TEX11: variants seen among roughly 807,000 people sequenced by gnomAD.
The protein encoded by TEX11 is testis expressed 11.
In TEX11, 7 loss-of-function variants were observed where a neutral mutation model predicts 84.4. That is an observed-to-expected ratio of 0.08 (90% confidence interval 0.05 to 0.16). The LOEUF (loss-of-function observed/expected upper bound fraction) is 0.16. TEX11 is among the 10% of genes least tolerant of loss of function. TEX11 has a pLI of 1.00. For missense variants in TEX11, 551 were observed against 660.5 expected (o/e 0.83, Z 1.82); for synonymous variants, 264 against 222.8 (o/e 1.18, Z -1.64).
chrX:70,630,236 C>T (rs1323605073), intron 17 of TEX11, among the ~76,000 whole-genome samples: 2 of 106,462 alleles, frequency 1.9e-5, no homozygotes, highest in Admixed American at 1.0e-4. Context: ...GGCGTTAACC[C>T]GGGAGGCGGA....
At chrX:70,597,405 C>A (rs766252448) in intron 24 of TEX11, among the ~76,000 whole-genome samples, 1 of 111,706 alleles carries the variant, frequency 9.0e-6, no homozygotes, top group South Asian at 3.7e-4. Context: ...ATTATCAAGG[C>A]AATGTGGTAT....
intron 25 of TEX11, among the ~76,000 whole-genome samples, chrX:70,560,082 A>C (rs2088344061): frequency 9.0e-6 from 1 of 110,662 alleles, no homozygotes. Flanking sequence ...TTGATGAGTA[A>C]TGATGCTGAG....
intron 9 of TEX11, among the ~76,000 whole-genome samples, chrX:70,789,764 A>G (rs2091106968): frequency 8.9e-6 from 1 of 112,100 alleles, no homozygotes; most frequent in Admixed American, 9.5e-5. Context: ...AAATTACTAT[A>G]TGATGCAGCT....
intron 7 of TEX11, among the ~76,000 whole-genome samples, chrX:70,851,662 A>AACACACAC (rs760585640): frequency 1.1e-4 from 4 of 37,893 alleles, no homozygotes; most frequent in African/African-American, 6.7e-4. Flanking sequence ...GAAAATTAAA[A>AACACACAC]ACATACACAC....
chrX:70,759,869 C>T (rs777411759), intron 9 of TEX11, among the ~76,000 whole-genome samples: 46 of 111,649 alleles, frequency 4.1e-4, no homozygotes, highest in African/African-American at 1.3e-3. Context: ...AAAACCCCAT[C>T]CTCTCAGCCC....
chrX:70,823,872 C>T (rs933416282), intron 8 of TEX11, among the ~76,000 whole-genome samples: 3 of 110,168 alleles, frequency 2.7e-5, no homozygotes, highest in Non-Finnish European at 5.7e-5. Context: ...ATTAGCCAGG[C>T]ATAGTGGTGC....
intron 1 of TEX11, among the ~76,000 whole-genome samples, chrX:70,908,201 C>T (rs1407429962): frequency 9.0e-6 from 1 of 111,718 alleles, no homozygotes; most frequent in Non-Finnish European, 1.9e-5. Context: ...CTGCCCCCAA[C>T]GGTCATGAAC....
intron 20 of TEX11, 28 bp downstream of exon 20, chrX:70,623,922 A>C (rs1490020346): frequency 8.7e-7 from 1 of 1,154,179 alleles, no homozygotes; most frequent in Non-Finnish European, 1.2e-6. Context: ...CTAATGGGGA[A>C]TACATCATTT....
At chrX:70,781,395 A>G (rs2091038138) in intron 9 of TEX11, among the ~76,000 whole-genome samples, 1 of 112,220 alleles carries the variant, frequency 8.9e-6, no homozygotes, top group South Asian at 3.7e-4. Context: ...TCTAAAAACC[A>G]GAGAGCCTCT....
At chrX:70,770,977 G>A (rs180805631) in intron 9 of TEX11, among the ~76,000 whole-genome samples, 41 of 111,752 alleles carry the variant, frequency 3.7e-4, no homozygotes, top group Non-Finnish European at 6.8e-4. Context: ...TTAGTATATA[G>A]ATAATTTTAA....
chrX:70,531,214 C>T (rs1489876353), intron 28 of TEX11, among the ~76,000 whole-genome samples: 1 of 111,221 alleles, frequency 9.0e-6, no homozygotes, highest in Non-Finnish European at 1.9e-5. Flanking sequence ...AGCACTGTGC[C>T]TGGCACATAA....
At chrX:70,706,478 G>A (rs2090377577) in intron 13 of TEX11, among the ~76,000 whole-genome samples, 1 of 110,734 alleles carries the variant, frequency 9.0e-6, no homozygotes, top group Non-Finnish European at 1.9e-5. Flanking sequence ...AGGTCCTAAG[G>A]ATAGTGTGCA....
chrX:70,600,433 C>G (rs976985000), intron 24 of TEX11, among the ~76,000 whole-genome samples: 2 of 110,805 alleles, frequency 1.8e-5, no homozygotes, highest in African/African-American at 6.6e-5. Context: ...CTTTAACTTC[C>G]CACCATCAAC....
the TEX11 span, among the ~76,000 whole-genome samples, chrX:70,522,732 A>G: frequency 9.3e-6 from 1 of 107,578 alleles, no homozygotes; most frequent in Non-Finnish European, 1.9e-5. Context: ...TAGTAGAGAC[A>G]GGGTTTCTCC....
At position 70,543,177 on chromosome X, in the gene TEX11, G is replaced by A. The variant is rs775477868; in HGVS notation, c.2520+8949C>T. Among the ~76,000 whole-genome samples the A allele has an allele frequency of 1.7e-4, 19 of 110,075 alleles. No individual in the cohort carries two copies. The East Asian group carries it at 3.4e-3, about 20-fold the overall frequency. ...AGCCTGGGCGACACAGCGAGACTCC[G>A]TCTCAAAAAAATAAATAAATAAAAA... On this transcript the variant is annotated intron_variant, in intron 28 of 29. Transcript: ENST00000374333.
intron 9 of TEX11, among the ~76,000 whole-genome samples, chrX:70,798,762 G>T (rs963950249): frequency 1.8e-5 from 2 of 111,539 alleles, no homozygotes; most frequent in Non-Finnish European, 3.8e-5. Flanking sequence ...TCCAATAAAT[G>T]GTGTTGGAAA....
the TEX11 span, among the ~76,000 whole-genome samples, chrX:70,514,712 GGC>G: frequency 1.6e-3 from 177 of 111,031 alleles, 2 homozygotes; most frequent in Middle Eastern, 4.7e-3. Context: ...AATGGCACAG[GGC>G]AAGATACAGC....
At chrX:70,867,311 T>TAA (rs2091604540) in intron 4 of TEX11, among the ~76,000 whole-genome samples, 1 of 111,127 alleles carries the variant, frequency 9.0e-6, no homozygotes, top group African/African-American at 3.3e-5. Flanking sequence ...GAATGCAACT[T>TAA]ACAAGGAATG....
intron 11 of TEX11, among the ~76,000 whole-genome samples, chrX:70,738,271 C>G (rs1479501700): frequency 9.0e-6 from 1 of 111,358 alleles, no homozygotes; most frequent in East Asian, 2.8e-4. Flanking sequence ...ACAAACAACC[C>G]CATCAAAAAG....
Sources: allele counts gnomAD v4.1 joint callset (sites outside exome capture counted in the v4.1 genomes callset), GRCh38; gene constraint gnomAD v4.1.1; transcripts MANE v1.5; gene names NCBI Gene and HGNC (gene_info 2026-07-23, HGNC 2026-07-21).